Variants in ADD2 observed in about 807,000 individuals in gnomAD.
ADD2 encodes beta-adducin.
Under a neutral mutation model 83.0 loss-of-function variants are expected in ADD2, and 23 were observed. The observed-to-expected ratio is 0.28, with a 90% CI of 0.20 to 0.39. The LOEUF is 0.39. Among genes scored for constraint, ADD2 ranks in the 10% least tolerant of loss-of-function variants. The probability of loss-of-function intolerance (pLI) is 1.00; values close to 1 mark genes in which losing one functional copy is unlikely to be tolerated. For synonymous variants in ADD2, 375 were observed against 375.4 expected (o/e 1.00, Z 0.01); for missense variants, 758 against 944.9 (o/e 0.80, Z 2.59).
chr2:70,767,640 T>C, intron 1 of ADD2: 1 of 1,325,766 alleles, frequency 7.5e-7, no homozygotes, highest in Non-Finnish European at 9.6e-7. Context: ...GGTCCCACCA[T>C]CCCCAAGCAG....
chr2:70,680,662 T>G (rs1203132805), intron 10 of ADD2, among the ~76,000 whole-genome samples: 1 of 152,198 alleles, frequency 6.6e-6, no homozygotes, highest in Non-Finnish European at 1.5e-5. Context: ...GACTTCAGGT[T>G]TTCTCTGATG....
intron 1 of ADD2, among the ~76,000 whole-genome samples, chr2:70,725,933 A>T (rs1672970637): frequency 6.6e-6 from 1 of 152,082 alleles, no homozygotes; most frequent in South Asian, 2.1e-4. Context: ...AAAGTTTAAG[A>T]ATGTATTGTC....
intron 1 of ADD2, among the ~76,000 whole-genome samples, chr2:70,727,235 A>C (rs1553378461): frequency 6.6e-6 from 1 of 152,166 alleles, no homozygotes; most frequent in Non-Finnish European, 1.5e-5. Context: ...TCGAGCTACC[A>C]TTAAATCATC....
At chr2:70,704,272 C>CCCCCCCA in intron 4 of ADD2, 49 bp downstream of exon 4, 1 of 1,317,484 alleles carries the variant, frequency 7.6e-7, no homozygotes, top group Non-Finnish European at 1.0e-6. Context: ...TTCCCCACCC[C>CCCCCCCA]ACCCTCCCCT....
chr2:70,712,459 AT>A (rs368715126), intron 2 of ADD2, among the ~76,000 whole-genome samples: 27,263 of 129,978 alleles, frequency 0.21, 2,826 homozygotes, highest in East Asian at 0.41. Flanking sequence ...AAATAAATAA[AT>A]AAAAAAAAAA....
At chr2:70,764,053 A>T (rs1214159760) in intron 1 of ADD2, among the ~76,000 whole-genome samples, 1 of 151,396 alleles carries the variant, frequency 6.6e-6, no homozygotes, top group Non-Finnish European at 1.5e-5. Flanking sequence ...ATGCTCAGCT[A>T]ATTTTTGTAT....
intron 1 of ADD2, among the ~76,000 whole-genome samples, chr2:70,727,891 G>GTAAA (rs1673088892): frequency 1.7e-5 from 2 of 117,492 alleles, no homozygotes; most frequent in South Asian, 5.6e-4. Context: ...GGGAGACTCT[G>GTAAA]TCAATAAATA....
intron 1 of ADD2, among the ~76,000 whole-genome samples, chr2:70,752,863 T>C (rs1553383171): frequency 6.6e-6 from 1 of 152,162 alleles, no homozygotes; most frequent in Non-Finnish European, 1.5e-5. Context: ...ATGCAAACTC[T>C]CAGGCCCCAC....
chr2:70,761,374 C>T (rs782718777), intron 1 of ADD2, among the ~76,000 whole-genome samples: 69 of 150,694 alleles, frequency 4.6e-4, no homozygotes, highest in Middle Eastern at 3.4e-3. Flanking sequence ...TTTGGGAGGC[C>T]GAGGTGGGTG....
Position 70,676,150 on chromosome 2 carries a change from C to G in ADD2, c.1593+646G>C. ...AAGGAAAATGTCATGCCCATTGCTA[C>G]CTTGCAAGGAGCAGCAGTGATTTCA... On this transcript the variant is annotated intron_variant, in intron 13 of 15. Coordinates refer to ENST00000264436, the MANE Select transcript of ADD2 (RefSeq NM_001617.4). This position sits in a 1 kb window ranked among gnomAD's most constrained non-coding sequence, Gnocchi z 4.8. The G allele has an allele frequency of 1.0e-6, 1 of 985,530 alleles. No homozygotes were observed. The highest frequency in any genetic ancestry group is 1.2e-6 in the Non-Finnish European group (1 of 829,980). The allele number at this position is 985,530 out of a possible 1,614,324, so 61.0% of individuals were successfully genotyped here.
intron 7 of ADD2, 65 bp downstream of exon 7, chr2:70,692,338 C>A: frequency 6.9e-7 from 1 of 1,448,390 alleles, no homozygotes; most frequent in Non-Finnish European, 9.1e-7. Context: ...TTTTAAGTGA[C>A]GAGATTGCTA....
chr2:70,762,892 G>A (rs1416337625), intron 1 of ADD2, among the ~76,000 whole-genome samples: 1 of 151,362 alleles, frequency 6.6e-6, no homozygotes, highest in East Asian at 1.9e-4. Flanking sequence ...TTTTAGTAGA[G>A]ACGAGGTTTC....
At chr2:70,767,178 G>A (rs1013461263) in intron 1 of ADD2, among the ~76,000 whole-genome samples, 9 of 152,214 alleles carry the variant, frequency 5.9e-5, no homozygotes, top group African/African-American at 9.6e-5. Context: ...ACCGGGGATG[G>A]CCTCCGCCCC....
rs1417586495 is a variant in ADD2, at chr2:70,729,486, C to T, written c.-153-16302G>A. On this transcript the variant is annotated intron_variant, in intron 1 of 15. Coordinates refer to ENST00000264436, the MANE Select transcript of ADD2 (RefSeq NM_001617.4). ...CCCTGACTGAAACATAGCCCAACCT[C>T]TTCCCCACCCCTTCATTGAACTTAT... is the stretch of plus-strand genomic sequence containing the variant. 2.6e-5 allele frequency among the ~76,000 whole-genome samples: 4 copies of T among 152,128 alleles called. No homozygotes were observed. The East Asian group carries it at 7.7e-4, about 29-fold the overall frequency.
At chr2:70,716,220 T>C (rs1362178253) in intron 1 of ADD2, among the ~76,000 whole-genome samples, 1 of 151,996 alleles carries the variant, frequency 6.6e-6, no homozygotes, top group African/African-American at 2.4e-5. Flanking sequence ...TGTGCGTTTT[T>C]CTCTCTGCCA....
rs1451035927 is a variant in ADD2, at chr2:70,676,931, A to G, written c.1504-46T>C. The G allele has an allele frequency of 1.3e-6, 2 of 1,595,706 alleles. No individual in the cohort carries two copies. Among genetic ancestry groups the G allele is most frequent in the African/African-American group, 1.3e-5 (1 of 74,624 alleles). ...AAGAGTGAGCTGGCTGTTCAGGGTCAGCGTGGAGTTTGGGAGGGGGCATAC... is the reference window on the plus strand; with the variant it reads ...AAGAGTGAGCTGGCTGTTCAGGGTCGGCGTGGAGTTTGGGAGGGGGCATAC... On this transcript the variant is annotated intron_variant, in intron 12 of 15. Transcript: ENST00000264436. This position sits in a 1 kb window ranked among gnomAD's most constrained non-coding sequence, Gnocchi z 4.8.
intron 1 of ADD2, among the ~76,000 whole-genome samples, chr2:70,761,766 G>T (rs1019922047): frequency 6.6e-6 from 1 of 150,652 alleles, no homozygotes; most frequent in African/African-American, 2.5e-5. Context: ...CTGCCTCCCG[G>T]GTTCATGCCA....
At chr2:70,694,189 T>C (rs1178786214) in intron 6 of ADD2, among the ~76,000 whole-genome samples, 1 of 152,198 alleles carries the variant, frequency 6.6e-6, no homozygotes, top group Non-Finnish European at 1.5e-5. Context: ...GAACCTAGAA[T>C]AACCAAATGC....
chr2:70,691,814 A>T (rs769063212), intron 7 of ADD2: 1 of 152,234 alleles, frequency 6.6e-6, no homozygotes. Context: ...GTCCCTGTAC[A>T]TGTGTGGCCT....
Sources: allele counts gnomAD v4.1 joint callset (sites outside exome capture counted in the v4.1 genomes callset), GRCh38; gene constraint gnomAD v4.1.1; non-coding constraint Gnocchi (gnomAD v3.1); transcripts MANE v1.5; gene names NCBI Gene and HGNC (gene_info 2026-07-23, HGNC 2026-07-21).